MCFD2: variants seen among roughly 807,000 people sequenced by gnomAD.
The protein encoded by MCFD2 is multiple coagulation factor deficiency protein 2.
In MCFD2, 11 loss-of-function variants were observed where a neutral mutation model predicts 12.8. That is an observed-to-expected ratio of 0.86 (90% CI 0.54 to 1.42). MCFD2 has a LOEUF of 1.42. Among genes scored for constraint, MCFD2 ranks in the 40% most tolerant of loss-of-function variants. The pLI, the probability that MCFD2 is intolerant of heterozygous loss-of-function variation, is 0.00. For missense variants in MCFD2, 191 were observed against 178.6 expected (o/e 1.07, Z -0.40); for synonymous variants, 70 against 68.1 (o/e 1.03, Z -0.14).
In MCFD2 at chr2:46,902,325, T is replaced by C. The variant is rs897699464; in HGVS notation, c.*3138A>G. The C allele has an allele frequency of 5.2e-5, 8 of 152,690 alleles. No individual in the cohort carries two copies. Among genetic ancestry groups the C allele is most frequent in the African/African-American group, 1.9e-4 (8 of 41,464 alleles). 9.5% of individuals were successfully genotyped at this position (152,690 alleles called of 1,614,324 possible). A position where few individuals can be genotyped will look rare whatever the true frequency, so the allele number is the denominator to read the frequency against. On this transcript the variant is annotated 3_prime_UTR_variant, in exon 4 of 4. Transcript: ENST00000319466. ...TTGACTAGAACTTCTATCTGATTAA[T>C]CATTGTTTGGTGAATTATCTTTTCA...
At position 46,941,785 on chromosome 2, in the gene MCFD2, C is replaced by G; in HGVS notation, c.-221G>C. 6.5e-7 allele frequency: 1 copy of G among 1,541,684 alleles called. No individual in the cohort carries two copies. The highest frequency in any genetic ancestry group is 8.8e-7 in the Non-Finnish European group (1 of 1,141,800). ...AGCGCGCGAAACGCACCGCCTCCTC[C>G]AGGAAGCGCGCCCAGACAGTCCTCG... On this transcript the variant is annotated 5_prime_UTR_variant, in exon 1 of 3. Coordinates refer to the MCFD2 transcript ENST00000409147. The surrounding 1 kb of genome is among the most constrained non-coding windows in gnomAD (Gnocchi z 4.2).
At chr2:46,918,377 C>T (rs1448494106), upstream of MCFD2, among the ~76,000 whole-genome samples, 1 of 152,190 alleles carries the variant, frequency 6.6e-6, no homozygotes, top group Non-Finnish European at 1.5e-5. Flanking sequence ...ACCATCTAGT[C>T]CAGTAGTAGA....
At chr2:46,921,625 A>G (rs2103804451) in intron 1 of MCFD2, among the ~76,000 whole-genome samples, 1 of 152,324 alleles carries the variant, frequency 6.6e-6, no homozygotes, top group Middle Eastern at 3.4e-3. Flanking sequence ...AACTCTATCA[A>G]CAAAAAAAGG....
chr2:46,938,124 C>T (rs968463903), intron 1 of MCFD2, among the ~76,000 whole-genome samples: 8 of 151,920 alleles, frequency 5.3e-5, no homozygotes, highest in African/African-American at 1.9e-4. Flanking sequence ...GGCCAGATCT[C>T]CAAAACCTCC....
chr2:46,909,744 C>T lies in MCFD2; in HGVS notation c.-6-567G>A, dbSNP rs1048701069. Among the ~76,000 whole-genome samples the T allele has an allele frequency of 3.9e-5, 6 of 152,146 alleles. 1 individual carries two copies. The highest frequency in any genetic ancestry group is 3.9e-4 in the Admixed American group (6 of 15,272). On this transcript the variant is annotated intron_variant, in intron 1 of 3. Transcript: ENST00000319466. ...AACTACAAGTAGTTCAGCTGGGCTG[C>T]AGCCTAGAGGGTAGGAAGCAGACAG...
intron 1 of MCFD2, among the ~76,000 whole-genome samples, chr2:46,927,590 G>C (rs1023145057): frequency 4.0e-5 from 6 of 151,872 alleles, no homozygotes; most frequent in African/African-American, 1.5e-4. Flanking sequence ...TCAATCTCCT[G>C]ACCTCGTGAT....
intron 1 of MCFD2, among the ~76,000 whole-genome samples, chr2:46,931,706 ATAAAT>A (rs1313280697): frequency 6.6e-6 from 1 of 151,688 alleles, no homozygotes; most frequent in Non-Finnish European, 1.5e-5. Context: ...AAATAAATAA[ATAAAT>A]AAATAAATAA....
In MCFD2 at chr2:46,908,919, A is replaced by G; in HGVS notation, c.149+104T>C. The G allele has an allele frequency of 7.0e-7, 1 of 1,429,392 alleles. No individual in the cohort carries two copies. The highest frequency in any genetic ancestry group is 9.9e-7 in the Non-Finnish European group (1 of 1,012,704). 88.5% of individuals were successfully genotyped at this position (1,429,392 alleles called of 1,614,324 possible). A position where few individuals can be genotyped will look rare whatever the true frequency, so the allele number is the denominator to read the frequency against. ...CATCCTTGAAGAATGTCAAGGAGCC[A>G]TAGAAACAGGAAGAAGGAAAGGAGG... On this transcript the variant is annotated intron_variant, in intron 2 of 3. Coordinates refer to ENST00000319466, the MANE Select transcript of MCFD2 (RefSeq NM_139279.6). The surrounding 1 kb of genome is among the most constrained non-coding windows in gnomAD (Gnocchi z 4.5).
chr2:46,912,581 C>G (rs2103761466), intron 1 of MCFD2: 1 of 152,346 alleles, frequency 6.6e-6, no homozygotes, highest in South Asian at 2.1e-4. Flanking sequence ...TTTTCAATTC[C>G]AAGTCTGGTG....
Position 46,908,231 on chromosome 2 carries a change from C to A in MCFD2, c.150-262G>T. 1.9e-6 allele frequency: 1 copy of A among 515,406 alleles called. No homozygotes were observed. Among genetic ancestry groups the A allele is most frequent in the Non-Finnish European group, 3.5e-6 (1 of 287,008 alleles). The allele number at this position is 515,406 out of a possible 1,614,324, so 31.9% of individuals were successfully genotyped here. A position where few individuals can be genotyped will look rare whatever the true frequency, so the allele number is the denominator to read the frequency against. On this transcript the variant is annotated intron_variant, in intron 2 of 3. Coordinates refer to ENST00000319466, the MANE Select transcript of MCFD2 (RefSeq NM_139279.6). This position sits in a 1 kb window ranked among gnomAD's most constrained non-coding sequence, Gnocchi z 4.5. ...TATTAGAATTTTGTTATAACATTTT[C>A]AGGCCATCAATTTAAAAATATGTCC...
rs114598164 is a variant in MCFD2 at position 46,913,028 on chromosome 2, G to C, written c.-7+2695C>G. ...TGGTGTGTGTGTGTTGGGGGTGGGG[G>C]AAATTCTATTTAGATAACACCAAAA... On this transcript the variant is annotated intron_variant, in intron 1 of 3. Coordinates refer to ENST00000319466, the MANE Select transcript of MCFD2 (RefSeq NM_139279.6). Among the ~76,000 whole-genome samples, 1,335 of 152,164 alleles carry C rather than the reference G, an allele frequency of 8.8e-3. 23 individuals are homozygous for C. The highest frequency in any genetic ancestry group is 0.03 in the African/African-American group (1,227 of 41,510).
chr2:46,916,504 A>T (rs1668796765), upstream of MCFD2: 1 of 152,418 alleles, frequency 6.6e-6, no homozygotes, highest in Non-Finnish European at 1.5e-5. Flanking sequence ...AAACGAATAC[A>T]TCATCCCTGT....
In MCFD2 at chr2:46,908,682, A is replaced by G. The variant is rs1035894316; in HGVS notation, c.149+341T>C. On this transcript the variant is annotated intron_variant, in intron 2 of 3. Coordinates refer to ENST00000319466, the MANE Select transcript of MCFD2 (RefSeq NM_139279.6). The surrounding 1 kb of genome is among the most constrained non-coding windows in gnomAD (Gnocchi z 4.5). Reference sequence around the variant, plus strand: ...TAAAAAAGGTCTTGTTATAGTCAAGAAACCTTAGCTATTTTCTGGATTCTG... The same window carrying G: ...TAAAAAAGGTCTTGTTATAGTCAAGGAACCTTAGCTATTTTCTGGATTCTG... The G allele has an allele frequency of 3.2e-5, 12 of 376,112 alleles. No individual in the cohort carries two copies. The highest frequency in any genetic ancestry group is 2.5e-4 in the African/African-American group (12 of 48,232). The allele number at this position is 376,112 out of a possible 1,614,324, so 23.3% of individuals were successfully genotyped here.
chr2:46,929,639 A>G (rs1403694637), intron 1 of MCFD2, among the ~76,000 whole-genome samples: 1 of 152,246 alleles, frequency 6.6e-6, no homozygotes, highest in Non-Finnish European at 1.5e-5. Context: ...TACAGCTAAC[A>G]CAGAAATATA....
At chr2:46,915,806 GCC>G, upstream of MCFD2, 4 of 512,570 alleles carry the variant, frequency 7.8e-6, no homozygotes, top group Non-Finnish European at 8.6e-6. Flanking sequence ...CCTCGGCTTC[GCC>G]CCGCCCCCCC....
In MCFD2 at chr2:46,941,610, G is replaced by A; in HGVS notation, c.-46C>T. The A allele has an allele frequency of 6.4e-7, 1 of 1,556,546 alleles. No individual in the cohort carries two copies. The highest frequency in any genetic ancestry group is 8.7e-7 in the Non-Finnish European group (1 of 1,150,688). On this transcript the variant is annotated 5_prime_UTR_variant, in exon 1 of 3. Coordinates refer to the MCFD2 transcript ENST00000409147. This position sits in a 1 kb window ranked among gnomAD's most constrained non-coding sequence, Gnocchi z 4.2. ...GCGAGCTGGAGCGCTGCCGCGCCGA[G>A]GGCCACTGGGACCGCATGCCGGAGC...
At chr2:46,919,374 A>G (rs1434048043), upstream of MCFD2, among the ~76,000 whole-genome samples, 1 of 152,148 alleles carries the variant, frequency 6.6e-6, no homozygotes, top group African/African-American at 2.4e-5. Context: ...TCTCTACTAA[A>G]AATACAAAAT....
At chr2:46,918,893 T>C (rs1057032059), upstream of MCFD2, among the ~76,000 whole-genome samples, 3 of 152,194 alleles carry the variant, frequency 2.0e-5, no homozygotes, top group Non-Finnish European at 4.4e-5. Flanking sequence ...AGAGGATCTC[T>C]TTACCTGCAA....
chr2:46,936,697 T>A, intron 1 of MCFD2, among the ~76,000 whole-genome samples: 1 of 152,190 alleles, frequency 6.6e-6, no homozygotes, highest in East Asian at 1.9e-4. Context: ...GCATCATCAT[T>A]TCCCCAAAGA....
Sources: gnomAD v4.1 joint callset for allele counts (sites outside exome capture counted in the v4.1 genomes callset) on GRCh38, gnomAD v4.1.1 for gene constraint, Gnocchi (gnomAD v3.1) non-coding constraint, MANE v1.5 for transcripts, NCBI Gene and HGNC (gene_info 2026-07-23, HGNC 2026-07-21) for gene names.